Variants in TRPC4 observed in about 807,000 individuals in gnomAD.
TRPC4 encodes transient receptor potential cation channel subfamily C member 4.
Under a neutral mutation model 99.4 loss-of-function variants are expected in TRPC4, and 49 were observed. That is an observed-to-expected ratio of 0.49 (90% CI 0.39 to 0.63). TRPC4 has a LOEUF of 0.63. TRPC4 is among the 20% of genes least tolerant of loss of function. The pLI, the probability that TRPC4 is intolerant of heterozygous loss-of-function variation, is 0.00. For missense variants in TRPC4, 898 were observed against 1,152.9 expected (o/e 0.78, Z 3.20); for synonymous variants, 454 against 425.9 (o/e 1.07, Z -0.81).
chr13:37,843,780 T>C (rs1033643747), intron 1 of TRPC4, among the ~76,000 whole-genome samples: 1 of 152,054 alleles, frequency 6.6e-6, no homozygotes, highest in African/African-American at 2.4e-5. Context: ...AGCTTCACTC[T>C]CTCCTACCTA....
At position 37,637,105 on chromosome 13, in the gene TRPC4, T is replaced by C; in HGVS notation, c.2732A>G (p.His911Arg). Residue 911 changes from histidine to arginine, a missense_variant, in exon 11 of 11, where the codon CAT (histidine) becomes CGT (arginine). His to Arg is a conservative substitution (Grantham distance 29, BLOSUM62 0). This residue lies in a region of TRPC4 where 346 missense variants were observed against 351.4 expected (regional missense o/e 0.98). Transcript: ENST00000379705. ...CAGTGTGTCCGTATTCCTTTCTCTA[T>C]GGTCTACTAACACACATTGTTCACT... The part of the protein sequence containing the change: ...GLSEQCVLVD[H>R]RERNTDTLGL... 6.2e-7 allele frequency: 1 copy of C among 1,613,816 alleles called. No individual in the cohort carries two copies. The highest frequency in any genetic ancestry group is 8.5e-7 in the Non-Finnish European group (1 of 1,179,826).
At chr13:37,719,962 T>C (rs751927536) in intron 3 of TRPC4, among the ~76,000 whole-genome samples, 14 of 152,058 alleles carry the variant, frequency 9.2e-5, no homozygotes, top group Non-Finnish European at 1.9e-4. Context: ...ATTATCTAAG[T>C]GGGCTCGGTG....
chr13:37,863,401 C>T (rs984348437), intron 1 of TRPC4, among the ~76,000 whole-genome samples: 8 of 151,534 alleles, frequency 5.3e-5, no homozygotes, highest in Non-Finnish European at 1.2e-4. Context: ...CTCTTTATTA[C>T]TTGTTATTTA....
intron 1 of TRPC4, among the ~76,000 whole-genome samples, chr13:37,799,081 A>G (rs1957329047): frequency 6.6e-6 from 1 of 151,782 alleles, no homozygotes; most frequent in Non-Finnish European, 1.5e-5. Flanking sequence ...AAAGGTGCCC[A>G]CCGCCTTGCC....
intron 3 of TRPC4, among the ~76,000 whole-genome samples, chr13:37,696,720 C>CAT (rs371013517): frequency 8.9e-4 from 135 of 152,260 alleles, no homozygotes; most frequent in African/African-American, 3.1e-3. Context: ...ACCACAAATT[C>CAT]ATATACATAC....
intron 4 of TRPC4, among the ~76,000 whole-genome samples, chr13:37,680,303 A>C (rs1057478057): frequency 6.6e-6 from 1 of 152,184 alleles, no homozygotes; most frequent in African/African-American, 2.4e-5. Context: ...ATGCATTTCA[A>C]GTTAATTTTT....
chr13:37,642,025 G>C lies in TRPC4; in HGVS notation c.2080-2726C>G, dbSNP rs149362512. ...TAAAATAATATACTTACATTTAACT[G>C]TGTCCCTTTGCATGATTTTGATGGT... On this transcript the variant is annotated intron_variant, in intron 8 of 10. Transcript: ENST00000379705. 2.8e-4 allele frequency among the ~76,000 whole-genome samples: 42 copies of C among 152,252 alleles called. No individual in the cohort carries two copies. In the East Asian group the frequency reaches 6.8e-3, roughly 25 times the overall value.
chr13:37,802,003 T>C (rs1957418357), intron 1 of TRPC4, among the ~76,000 whole-genome samples: 1 of 152,100 alleles, frequency 6.6e-6, no homozygotes, highest in African/African-American at 2.4e-5. Context: ...AATTCTATAG[T>C]TATGTAAAAA....
chr13:37,682,922 CTTTTTTTTTT>C (rs35740848), intron 4 of TRPC4, among the ~76,000 whole-genome samples: 1 of 109,344 alleles, frequency 9.1e-6, no homozygotes, highest in Non-Finnish European at 1.8e-5. Flanking sequence ...GCCCAGCTAT[CTTTTTTTTTT>C]TTTTTTTTTT....
At chr13:37,856,940 AGAAATGGGGAAGAATT>A (rs1959179186) in intron 1 of TRPC4, among the ~76,000 whole-genome samples, 1 of 151,684 alleles carries the variant, frequency 6.6e-6, no homozygotes. Flanking sequence ...CTAGTATCAT[AGAAATGGGGAAGAATT>A]GAAAGTGTTT....
In TRPC4 at chr13:37,788,974, A is replaced by G. The variant is rs371547958; in HGVS notation, c.-27-5614T>C. ...CCTCACTAAAATGTTGATGTTCATCATCTTTTACACGAGCTACAGCAATAT... is the reference window on the plus strand; with the variant it reads ...CCTCACTAAAATGTTGATGTTCATCGTCTTTTACACGAGCTACAGCAATAT... On this transcript the variant is annotated intron_variant, in intron 1 of 10. Transcript: ENST00000379705. 7.9e-5 allele frequency among the ~76,000 whole-genome samples: 12 copies of G among 152,230 alleles called. No homozygotes were observed. The East Asian group carries it at 1.2e-3, about 15-fold the overall frequency.
chr13:37,660,484 G>A (rs983274479), intron 6 of TRPC4, among the ~76,000 whole-genome samples: 3 of 152,092 alleles, frequency 2.0e-5, no homozygotes, highest in African/African-American at 7.2e-5. Flanking sequence ...ATCTTGTATA[G>A]GCTTCTTTTA....
intron 1 of TRPC4, among the ~76,000 whole-genome samples, chr13:37,859,219 A>G (rs1959203145): frequency 6.6e-6 from 1 of 151,220 alleles, no homozygotes; most frequent in Non-Finnish European, 1.5e-5. Context: ...AAATGGAAAA[A>G]GCATTAAAAG....
At chr13:37,745,317 C>T (rs1011694614) in intron 3 of TRPC4, among the ~76,000 whole-genome samples, 2 of 151,094 alleles carry the variant, frequency 1.3e-5, no homozygotes, top group African/African-American at 4.9e-5. Flanking sequence ...AAAAAATCAG[C>T]CTTCCATATC....
At position 37,838,503 on chromosome 13, in the gene TRPC4, G is replaced by T. The variant is rs117185886; in HGVS notation, c.-28+31092C>A. On this transcript the variant is annotated intron_variant, in intron 1 of 10. Coordinates refer to ENST00000379705, the MANE Select transcript of TRPC4 (RefSeq NM_016179.4). ...ATATTTTTTTTTCATAAGTGATCTTGTTCACACAGTCCATATAAATACTGT... is the reference window on the plus strand; with the variant it reads ...ATATTTTTTTTTCATAAGTGATCTTTTTCACACAGTCCATATAAATACTGT... Among the ~76,000 whole-genome samples, 84 of 152,152 alleles carry T rather than the reference G, an allele frequency of 5.5e-4. No individual in the cohort carries two copies. The East Asian group carries it at 0.015, about 27-fold the overall frequency.
intron 2 of TRPC4, among the ~76,000 whole-genome samples, chr13:37,759,137 T>C (rs1956163735): frequency 6.6e-6 from 1 of 151,764 alleles, no homozygotes; most frequent in African/African-American, 2.4e-5. Context: ...TGATTATGTA[T>C]TTAAAGTTTA....
intron 1 of TRPC4, among the ~76,000 whole-genome samples, chr13:37,818,059 T>C (rs766973287): frequency 6.6e-6 from 1 of 151,916 alleles, no homozygotes; most frequent in Non-Finnish European, 1.5e-5. Flanking sequence ...ACTAAAGCGC[T>C]TTTGCATAGC....
At chr13:37,739,376 G>A (rs903465394) in intron 3 of TRPC4, among the ~76,000 whole-genome samples, 2 of 152,016 alleles carry the variant, frequency 1.3e-5, no homozygotes, top group Admixed American at 6.5e-5. Context: ...TTACATAAAT[G>A]ACTCAGTTAT....
chr13:37,797,777 A>G (rs1957297273), intron 1 of TRPC4, among the ~76,000 whole-genome samples: 1 of 152,198 alleles, frequency 6.6e-6, no homozygotes, highest in African/African-American at 2.4e-5. Flanking sequence ...TTACCGTAGC[A>G]ACTTAAAAGA....
Sources: gnomAD v4.1 joint callset for allele counts (sites outside exome capture counted in the v4.1 genomes callset) on GRCh38, gnomAD v4.1.1 for gene constraint, gnomAD v4.1.1 regional missense constraint, MANE v1.5 for transcripts, NCBI Gene and HGNC (gene_info 2026-07-23, HGNC 2026-07-21) for gene names.